The following PCDHA1 variants were observed in gnomAD, a reference collection of about 807,000 sequenced individuals.
The protein encoded by PCDHA1 is protocadherin alpha-1.
Under a neutral mutation model 61.3 loss-of-function variants are expected in PCDHA1, and 42 were observed. That is an observed-to-expected ratio of 0.69 (90% confidence interval 0.54 to 0.89). PCDHA1 has a LOEUF of 0.89. PCDHA1 is among the 40% of genes least tolerant of loss of function. PCDHA1 has a pLI of 0.00. For missense variants in PCDHA1, 1,256 were observed against 1,235.3 expected (o/e 1.02, Z -0.25); for synonymous variants, 610 against 553.8 (o/e 1.10, Z -1.43).
chr5:140,797,143 C>A (rs1554120308), intron 1 of PCDHA1: 1 of 1,613,962 alleles, frequency 6.2e-7, no homozygotes. Context: ...CTCGGTGCCA[C>A]CCACCGAGGG....
At chr5:140,850,730 G>T (rs1439103901) in intron 1 of PCDHA1, 3 of 1,597,976 alleles carry the variant, frequency 1.9e-6, no homozygotes, top group Non-Finnish European at 2.6e-6. Flanking sequence ...CTAGCGCGGT[G>T]GGGAGTTGGT....
rs782038098 is a variant in PCDHA1 at position 140,796,064 on chromosome 5, C to G, written c.2394+7380C>G. 44 of 1,614,122 alleles carry G rather than the reference C, an allele frequency of 2.7e-5. No individual in the cohort carries two copies. The highest frequency in any genetic ancestry group is 8.9e-5 in the East Asian group (4 of 44,898). ...ATCTCAGAGAACGCTTCCCTGGGCA[C>G]TGTCATTGCTCTCATCACGGTGTCG... On this transcript the variant is annotated intron_variant, in intron 1 of 3. Transcript: ENST00000504120.
Position 140,807,559 on chromosome 5 carries a change from G to C in PCDHA1, c.2394+18875G>C, listed in dbSNP as rs150847383. 50 of 1,614,048 alleles carry C rather than the reference G, an allele frequency of 3.1e-5. No homozygotes were observed. In the African/African-American group the frequency reaches 6.0e-4, roughly 19 times the overall value. On this transcript the variant is annotated intron_variant, in intron 1 of 3. Coordinates refer to ENST00000504120, the MANE Select transcript of PCDHA1 (RefSeq NM_018900.4). ...TTTTCCATGTGGACGTGGAGGTGAG[G>C]GACATTAACGATAACCCGCCGGTGT... is the stretch of plus-strand genomic sequence containing the variant.
chr5:140,908,904 G>A (rs1467772032), intron 1 of PCDHA1, among the ~76,000 whole-genome samples: 2 of 152,194 alleles, frequency 1.3e-5, no homozygotes, highest in Non-Finnish European at 1.5e-5. Flanking sequence ...AGCCTCTTTC[G>A]TGGTTGTAGG....
At chr5:140,869,355 G>A (rs782391359) in intron 1 of PCDHA1, 19 of 1,614,012 alleles carry the variant, frequency 1.2e-5, no homozygotes, top group Admixed American at 1.7e-5. Context: ...ATGGCATTTT[G>A]TTTGTGAATT....
At chr5:140,884,138 G>C (rs782798249) in intron 1 of PCDHA1, 2 of 1,613,410 alleles carry the variant, frequency 1.2e-6, no homozygotes, top group Non-Finnish European at 1.7e-6. Context: ...CCCGTTCCGC[G>C]TGGGGCTGTA....
intron 1 of PCDHA1, chr5:140,821,781 A>G (rs2150110654): frequency 1.2e-6 from 2 of 1,609,938 alleles, no homozygotes; most frequent in East Asian, 2.2e-5. Context: ...TTGAGATGGT[A>G]TATTCCCGGA....
At chr5:140,978,782 A>C (rs782295456) in intron 1 of PCDHA1, 167 bp from the exon 2 acceptor site, 1 of 971,546 alleles carries the variant, frequency 1.0e-6, no homozygotes, top group African/African-American at 1.8e-5. Flanking sequence ...TTTTCTTCTA[A>C]AGTGCTATAT....
intron 1 of PCDHA1, chr5:140,926,672 C>T (rs2083457109): frequency 1.7e-6 from 1 of 583,596 alleles, no homozygotes; most frequent in Admixed American, 3.9e-5. Flanking sequence ...GACGGCTGCC[C>T]AGCCTCCAGC....
chr5:140,916,210 A>G, intron 1 of PCDHA1, among the ~76,000 whole-genome samples: 1 of 152,210 alleles, frequency 6.6e-6, no homozygotes, highest in East Asian at 1.9e-4. Context: ...GCCCTGGGGA[A>G]GATCCAAATA....
chr5:140,967,367 C>A (rs1390450808), intron 1 of PCDHA1: 1 of 1,607,250 alleles, frequency 6.2e-7, no homozygotes, highest in Non-Finnish European at 8.5e-7. Flanking sequence ...TAAGCCCCTG[C>A]AGGAGAACAG....
rs1333158851 is a variant in PCDHA1 at position 140,787,553 on chromosome 5, T to C, written c.1263T>C (p.Tyr421=). The stretch of plus-strand genomic sequence containing the variant: ...TGGATCGCGAGAGCCTGTCGGTCTA[T>C]GAGCTGGTGGTGACCGCGCGGGACG... ...SALDRESLSV[Y]ELVVTARDGG... Residue 421 remains tyrosine (Y), a synonymous_variant, in exon 1 of 4, where the codon TAT becomes TAC. Coordinates refer to ENST00000504120, the MANE Select transcript of PCDHA1 (RefSeq NM_018900.4). 1 of 1,611,902 alleles carries C rather than the reference T, an allele frequency of 6.2e-7. No homozygotes were observed. Among genetic ancestry groups the C allele is most frequent in the Non-Finnish European group, 8.5e-7 (1 of 1,178,038 alleles).
intron 1 of PCDHA1, among the ~76,000 whole-genome samples, chr5:140,906,048 C>A (rs1482228569): frequency 1.3e-5 from 2 of 152,170 alleles, no homozygotes; most frequent in South Asian, 2.1e-4. Context: ...TTTATTCTGG[C>A]TGCACTGGCA....
chr5:140,970,847 C>A (rs2096437224), intron 1 of PCDHA1, among the ~76,000 whole-genome samples: 1 of 149,802 alleles, frequency 6.7e-6, no homozygotes, highest in Non-Finnish European at 1.5e-5. Context: ...TGCACAGGCA[C>A]AAAAGTTCCA....
At chr5:140,923,373 T>A (rs1354356076) in intron 1 of PCDHA1, among the ~76,000 whole-genome samples, 4 of 152,048 alleles carry the variant, frequency 2.6e-5, no homozygotes, top group South Asian at 2.1e-4. Flanking sequence ...AAAATATTTT[T>A]AAAAATTAGT....
chr5:140,904,082 C>T (rs1189911248), intron 1 of PCDHA1, among the ~76,000 whole-genome samples: 3 of 152,108 alleles, frequency 2.0e-5, no homozygotes, highest in African/African-American at 7.2e-5. Context: ...TATTTGGTTA[C>T]ATGAATAACT....
chr5:140,786,907 C>G lies in PCDHA1; in HGVS notation c.617C>G (p.Pro206Arg), dbSNP rs1165027646. The change falls in exon 1 of 4, where the codon CCA (proline) becomes CGA (arginine). Residue 206 changes from proline (P) to arginine (R), a missense_variant. By Grantham distance (103) the Pro-to-Arg change is moderately radical (BLOSUM62 -2). Transcript: ENST00000504120. ...AAATATTTGGATAGAGAAGAAACACCAGAACTTCACTTATTACTGACTGCC... is the reference window on the plus strand; with the variant it reads ...AAATATTTGGATAGAGAAGAAACACGAGAACTTCACTTATTACTGACTGCC... ...LRKYLDREET[P>R]ELHLLLTATD... The G allele has an allele frequency of 1.9e-6, 3 of 1,614,098 alleles. No homozygotes were observed. The highest frequency in any genetic ancestry group is 1.3e-5 in the African/African-American group (1 of 75,014).
Position 140,938,565 on chromosome 5 carries a change from A to G in PCDHA1, c.2395-40384A>G, listed in dbSNP as rs1347602327. Among the ~76,000 whole-genome samples the G allele has an allele frequency of 2.0e-5, 3 of 151,630 alleles. No individual in the cohort carries two copies. The East Asian group carries it at 5.8e-4, about 29-fold the overall frequency. On this transcript the variant is annotated intron_variant, in intron 1 of 3. Coordinates refer to ENST00000504120, the MANE Select transcript of PCDHA1 (RefSeq NM_018900.4). ...TTTTATCCTTTTATTAATAGCATGC[A>G]TTATATTGGTTGATTTGTTAATGAT...
chr5:140,883,746 C>A (rs1554179687), intron 1 of PCDHA1: 1 of 1,613,326 alleles, frequency 6.2e-7, no homozygotes, highest in Non-Finnish European at 8.5e-7. Context: ...GTCTCCTACT[C>A]GCTGGTGGAG....
Sources: gnomAD v4.1 joint callset for allele counts (sites outside exome capture counted in the v4.1 genomes callset) on GRCh38, gnomAD v4.1.1 for gene constraint, MANE v1.5 for transcripts, NCBI Gene and HGNC (gene_info 2026-07-23, HGNC 2026-07-21) for gene names.